Variants in LRRC53 observed in about 807,000 individuals in gnomAD.
LRRC53 encodes the protein leucine-rich repeat-containing protein 53.
LRRC53 carries 25 observed loss-of-function variants against 13.6 expected under a neutral mutation model. That is an observed-to-expected ratio of 1.83 (90% confidence interval 1.34 to 2.56). The LOEUF is 2.56. Among genes scored for constraint, LRRC53 ranks in the 30% most tolerant of loss-of-function variants. The pLI is 0.00. For synonymous variants in LRRC53, 204 were observed against 109.8 expected (o/e 1.86, Z -5.37); for missense variants, 527 against 275.8 (o/e 1.91, Z -6.45).
upstream of LRRC53, among the ~76,000 whole-genome samples, chr1:74,516,891 T>A (rs1451268487): frequency 6.6e-6 from 1 of 152,188 alleles, no homozygotes; most frequent in East Asian, 1.9e-4. Context: ...ACAAAAATGA[T>A]ATCAACAATT....
chr1:74,480,519 G>A lies in LRRC53; in HGVS notation c.538C>T (p.Leu180=). ...AGGTCCACTTCCTGTAGTTGAGGCA[G>A]GGGCCGGAAGGCATCTTTCCCAATG... ...SYIGKDAFRP[L]PQLQEVDLSR... The change falls in exon 3 of 5, where the codon CTG becomes TTG. Residue 180 remains leucine, a synonymous_variant. Transcript: ENST00000294635. The A allele has an allele frequency of 1.4e-6, 1 of 717,512 alleles. No homozygotes were observed. The highest frequency in any genetic ancestry group is 2.7e-5 in the East Asian group (1 of 37,284). The allele number at this position is 717,512 out of a possible 1,614,324, so 44.4% of individuals were successfully genotyped here.
chr1:74,523,934 C>T, the LRRC53 span, among the ~76,000 whole-genome samples: 7 of 152,110 alleles, frequency 4.6e-5, no homozygotes, highest in East Asian at 7.7e-4. Flanking sequence ...TTCCCCCCAC[C>T]CCCGACAGGC....
At chr1:74,484,917 TAGG>T (rs1668674736) in intron 1 of LRRC53, among the ~76,000 whole-genome samples, 1 of 152,118 alleles carries the variant, frequency 6.6e-6, no homozygotes, top group African/African-American at 2.4e-5. Context: ...GTAGCAAAAA[TAGG>T]AGGCAATTGT....
upstream of LRRC53, among the ~76,000 whole-genome samples, chr1:74,517,461 G>T (rs532999591): frequency 1.9e-3 from 285 of 152,272 alleles, 1 homozygote; most frequent in Non-Finnish European, 3.2e-3. Context: ...GTACCAGGCT[G>T]GACAGGAAAT....
upstream of LRRC53, among the ~76,000 whole-genome samples, chr1:74,516,879 T>C (rs895045008): frequency 1.3e-5 from 2 of 152,164 alleles, no homozygotes; most frequent in Non-Finnish European, 2.9e-5. Context: ...TATTGCCAGT[T>C]CACAAAAATG....
intron 1 of LRRC53, among the ~76,000 whole-genome samples, chr1:74,495,945 C>T (rs1435812740): frequency 1.3e-5 from 2 of 152,162 alleles, no homozygotes; most frequent in Non-Finnish European, 2.9e-5. Context: ...AGTCAGAGAG[C>T]CCAAGGATAT....
chr1:74,529,046 G>C, the LRRC53 span, among the ~76,000 whole-genome samples: 5 of 152,184 alleles, frequency 3.3e-5, no homozygotes, highest in East Asian at 7.7e-4. Flanking sequence ...AATGATGACA[G>C]TGACATCAAT....
chr1:74,520,667 G>A, the LRRC53 span, among the ~76,000 whole-genome samples: 2 of 152,018 alleles, frequency 1.3e-5, no homozygotes, highest in African/African-American at 4.8e-5. Context: ...TGTATGGTCT[G>A]CTTCCATTTT....
upstream of LRRC53, among the ~76,000 whole-genome samples, chr1:74,514,419 A>G (rs1055278216): frequency 5.9e-5 from 9 of 152,332 alleles, no homozygotes; most frequent in South Asian, 6.2e-4. Flanking sequence ...AAAGGGGAGC[A>G]TTAATGAAAA....
chr1:74,528,964 T>TG, the LRRC53 span, among the ~76,000 whole-genome samples: 2 of 152,166 alleles, frequency 1.3e-5, no homozygotes, highest in East Asian at 3.9e-4. Flanking sequence ...CAAAGAAAGA[T>TG]GGTGACATAA....
intron 1 of LRRC53, among the ~76,000 whole-genome samples, chr1:74,495,378 T>A (rs1669276908): frequency 6.6e-6 from 1 of 152,220 alleles, no homozygotes; most frequent in Non-Finnish European, 1.5e-5. Context: ...ACTGTATCCT[T>A]AGTATCTATC....
intron 1 of LRRC53, among the ~76,000 whole-genome samples, chr1:74,492,449 C>T (rs898953809): frequency 3.9e-5 from 6 of 152,130 alleles, no homozygotes; most frequent in African/African-American, 1.4e-4. Context: ...ATCTGTTAGC[C>T]TAGGTCCTCT....
At chr1:74,489,520 A>G (rs1668942267) in intron 1 of LRRC53, among the ~76,000 whole-genome samples, 1 of 152,228 alleles carries the variant, frequency 6.6e-6, no homozygotes, top group African/African-American at 2.4e-5. Flanking sequence ...TTGATAAGTA[A>G]AAATTGGAAA....
intron 3 of LRRC53, among the ~76,000 whole-genome samples, chr1:74,476,105 G>A (rs149781592): frequency 9.9e-5 from 15 of 152,208 alleles, no homozygotes; most frequent in Admixed American, 3.9e-4. Flanking sequence ...AGATAAAACA[G>A]TTCCTGCAGT....
the LRRC53 span, among the ~76,000 whole-genome samples, chr1:74,520,121 A>G: frequency 1.3e-5 from 2 of 151,152 alleles, no homozygotes; most frequent in African/African-American, 4.9e-5. Context: ...TATATGCTGA[A>G]CCCAATTTGT....
At position 74,469,899 on chromosome 1, in the gene LRRC53, T is replaced by C. The variant is rs1667839957; in HGVS notation, c.3723A>G (p.Thr1241=). The C allele has an allele frequency of 2.5e-6, 1 of 400,510 alleles. No homozygotes were observed. Among genetic ancestry groups the C allele is most frequent in the African/African-American group, 2.1e-5 (1 of 48,724 alleles). 24.8% of individuals were successfully genotyped at this position (400,510 alleles called of 1,614,324 possible). The change falls in exon 5 of 5, where the codon ACA becomes ACG. Residue 1241 remains threonine, a synonymous_variant. Transcript: ENST00000294635. The part of the protein sequence containing the change: ...LYPPSAEYAT[T]SPLETE ...CACTTTATTCTGTTTCTAAAGGTGA[T>C]GTAGTAGCATATTCAGCAGATGGTG...
chr1:74,483,440 C>T (rs887749320), intron 1 of LRRC53, 65 bp from the exon 2 acceptor site: 3 of 673,444 alleles, frequency 4.5e-6, no homozygotes, highest in African/African-American at 3.5e-5. Flanking sequence ...TATTTCTGTA[C>T]ATACAGGTCA....
chr1:74,493,429 AG>A (rs1669174525), intron 1 of LRRC53, among the ~76,000 whole-genome samples: 1 of 152,234 alleles, frequency 6.6e-6, no homozygotes, highest in Admixed American at 6.5e-5. Context: ...CAGAAAAAAG[AG>A]AAAAAGAAAT....
chr1:74,484,755 G>A (rs956795608), intron 1 of LRRC53, among the ~76,000 whole-genome samples: 1 of 152,146 alleles, frequency 6.6e-6, no homozygotes, highest in Non-Finnish European at 1.5e-5. Context: ...GTATACCTTA[G>A]AGATGAATGC....
Sources: gnomAD v4.1 joint callset for allele counts (sites outside exome capture counted in the v4.1 genomes callset) on GRCh38, gnomAD v4.1.1 for gene constraint, MANE v1.5 for transcripts, NCBI Gene and HGNC (gene_info 2026-07-23, HGNC 2026-07-21) for gene names.